Variants in ZNF573 observed in about 807,000 individuals in gnomAD.
The protein encoded by ZNF573 is zinc finger protein 573.
A neutral mutation model predicts 57.4 loss-of-function variants in ZNF573; 41 were observed. That is an observed-to-expected ratio of 0.71 (90% confidence interval 0.56 to 0.93). The LOEUF (loss-of-function observed/expected upper bound fraction) is 0.93. ZNF573 is among the 40% of genes least tolerant of loss of function. The probability of loss-of-function intolerance (pLI) is 0.00; values close to 1 mark genes in which losing one functional copy is unlikely to be tolerated. For missense variants in ZNF573, 730 were observed against 794.8 expected, an observed-to-expected ratio of 0.92 and a Z score of 0.98; for synonymous variants, 249 against 261.0, an observed-to-expected ratio of 0.95 and a Z score of 0.44.
chr19:37,747,010 CA>C (rs1019214921), intron 4 of ZNF573, among the ~76,000 whole-genome samples: 4 of 152,194 alleles, frequency 2.6e-5, no homozygotes, highest in African/African-American at 9.6e-5. Context: ...AAGAAGTCCT[CA>C]AAAAACAGAA....
chr19:37,771,384 T>C (rs897519778), intron 3 of ZNF573, among the ~76,000 whole-genome samples, 180 bp downstream of exon 3: 2 of 152,034 alleles, frequency 1.3e-5, no homozygotes, highest in African/African-American at 4.8e-5. Context: ...CTCTAAAGGA[T>C]GAAGAAAATG....
At chr19:37,770,306 T>C (rs1907954761) in intron 3 of ZNF573, 1 of 426,036 alleles carries the variant, frequency 2.3e-6, no homozygotes, top group Admixed American at 4.2e-5. Flanking sequence ...CCTGTGACCT[T>C]ATAAAATGTC....
At chr19:37,778,024 C>CAAAA (rs34141847) in intron 1 of ZNF573, among the ~76,000 whole-genome samples, 4 of 56,070 alleles carry the variant, frequency 7.1e-5, no homozygotes, top group Non-Finnish European at 7.4e-5. Flanking sequence ...GACTCTGTCT[C>CAAAA]AAAAAAAAAA....
In ZNF573 at chr19:37,738,749, GT is replaced by G; in HGVS notation, c.1740del (p.Lys580AsnfsTer84). On this transcript the variant is annotated frameshift_variant, in exon 5 of 5. Coordinates refer to ENST00000536220, the MANE Select transcript of ZNF573 (RefSeq NM_001172690.2). LOFTEE classifies it high-confidence loss of function. The stretch of plus-strand genomic sequence containing the variant: ...TTTCCACATTCTTTACATTCATAGG[GT>G]TTTTTATCAGCATGAATGCTCTGAT... The part of the protein sequence containing the change: ...TAHQSIHADK[K>X]PYECKECGKA... The G allele has an allele frequency of 1.2e-6, 2 of 1,613,908 alleles. No individual in the cohort carries two copies. Among genetic ancestry groups the G allele is most frequent in the Admixed American group, 3.3e-5 (2 of 59,964 alleles).
chr19:37,759,283 C>A, intron 4 of ZNF573: 1 of 336,664 alleles, frequency 3.0e-6, no homozygotes, highest in Non-Finnish European at 4.2e-6. Context: ...TATCAGAGAA[C>A]AATTTCTTTT....
chr19:37,744,999 G>A (rs1599684461), intron 4 of ZNF573, among the ~76,000 whole-genome samples: 1 of 151,732 alleles, frequency 6.6e-6, no homozygotes, highest in Non-Finnish European at 1.5e-5. Flanking sequence ...AGCCAGGATG[G>A]TCTTGATCTC....
At chr19:37,754,003 A>G (rs2045463468) in intron 4 of ZNF573, among the ~76,000 whole-genome samples, 1 of 152,202 alleles carries the variant, frequency 6.6e-6, no homozygotes, top group South Asian at 2.1e-4. Flanking sequence ...GGTCATTATC[A>G]ACAGCCGGGA....
chr19:37,738,682 A>C lies in ZNF573; in HGVS notation c.1808T>G (p.Ile603Ser). The C allele has an allele frequency of 6.2e-7, 1 of 1,611,606 alleles. No individual in the cohort carries two copies. The highest frequency in any genetic ancestry group is 8.5e-7 in the Non-Finnish European group (1 of 1,179,096). Residue 603 changes from isoleucine to serine, a missense_variant, in exon 5 of 5, where the codon ATT (isoleucine) becomes AGT (serine). Physicochemically the swap from Ile to Ser is moderately radical, Grantham distance 142. Coordinates refer to ENST00000536220, the MANE Select transcript of ZNF573 (RefSeq NM_001172690.2). ...MYGYLTQHQK[I>S]HTGGKPYECK... ...TTCATAAGGTTTTCCACCAGTATGA[A>C]TTTTCTGATGTTGGGTAAGGTAGCC...
In ZNF573 at chr19:37,738,723, C is replaced by G. The variant is rs1369077558; in HGVS notation, c.1767G>C (p.Lys589Asn). 6.2e-7 allele frequency: 1 copy of G among 1,613,114 alleles called. No homozygotes were observed. ...TAAGGTAGCCATACATTTTAAAGGC[C>G]TTTCCACATTCTTTACATTCATAGG... is the stretch of plus-strand genomic sequence containing the variant. ...KKPYECKECGKAFKMYGYLTQ... is the reference protein window; with the variant it reads ...KKPYECKECGNAFKMYGYLTQ... Residue 589 changes from lysine (K) to asparagine (N), a missense_variant, in exon 5 of 5, where the codon AAG becomes AAC. Transcript: ENST00000536220.
intron 4 of ZNF573, chr19:37,755,099 A>T (rs1021626601): frequency 6.6e-6 from 1 of 152,184 alleles, no homozygotes; most frequent in Non-Finnish European, 1.5e-5. Context: ...CCTCCTGAGT[A>T]GCTGGGACTA....
At chr19:37,766,939 G>T (rs909721051) in intron 4 of ZNF573, among the ~76,000 whole-genome samples, 5 of 152,160 alleles carry the variant, frequency 3.3e-5, no homozygotes, top group Non-Finnish European at 7.3e-5. Flanking sequence ...ATAACTGCAC[G>T]CTGGCCAAGT....
At position 37,770,049 on chromosome 19, in the gene ZNF573, C is replaced by A; in HGVS notation, c.251G>T (p.Gly84Val). 6.4e-7 allele frequency: 1 copy of A among 1,551,890 alleles called. No individual in the cohort carries two copies. Residue 84 changes from glycine (G) to valine (V), a missense_variant, in exon 4 of 5, where the codon GGA (glycine) becomes GTA (valine). Coordinates refer to ENST00000536220, the MANE Select transcript of ZNF573 (RefSeq NM_001172690.2). ...CCTCAAAATCATCCAGGGCTCTTTT[C>A]CTCGCTCCAGTAAATCAACCACAAC... ...KPVVVDLLER[G>V]KEPWMILREE...
chr19:37,757,907 C>G (rs1321468644), intron 4 of ZNF573, among the ~76,000 whole-genome samples: 4 of 151,764 alleles, frequency 2.6e-5, no homozygotes, highest in African/African-American at 9.7e-5. Context: ...ATGGATGAAG[C>G]TGGAAACCAT....
chr19:37,743,375 T>C (rs996467904), intron 4 of ZNF573, among the ~76,000 whole-genome samples: 19 of 140,486 alleles, frequency 1.4e-4, no homozygotes, highest in South Asian at 2.3e-4. Context: ...AACAAACATA[T>C]GAAGAAAAGC....
chr19:37,738,911 C>G lies in ZNF573; in HGVS notation c.1579G>C (p.Glu527Gln). ...AAGGTTTTTCTACATACCTTACATT[C>G]ATAGGGTTTCATACCAGTATGAATT... ...QKIHTGMKPYECKVCRKTFTF... is the reference protein window; with the variant it reads ...QKIHTGMKPYQCKVCRKTFTF... Residue 527 changes from glutamate (E) to glutamine (Q), a missense_variant, in exon 5 of 5, where the codon GAA becomes CAA. Coordinates refer to ENST00000536220, the MANE Select transcript of ZNF573 (RefSeq NM_001172690.2). 3.1e-6 allele frequency: 5 copies of G among 1,611,284 alleles called. No individual in the cohort carries two copies. The highest frequency in any genetic ancestry group is 4.2e-6 in the Non-Finnish European group (5 of 1,177,878).
At chr19:37,757,256 G>T (rs188260442) in intron 4 of ZNF573, among the ~76,000 whole-genome samples, 289 of 152,098 alleles carry the variant, frequency 1.9e-3, no homozygotes, top group Middle Eastern at 0.014. Context: ...GAGTACAGTC[G>T]CATGATCTTG....
chr19:37,741,160 C>G (rs973859016), intron 4 of ZNF573, among the ~76,000 whole-genome samples: 2 of 152,158 alleles, frequency 1.3e-5, no homozygotes, highest in Non-Finnish European at 2.9e-5. Context: ...CCTTCTCATC[C>G]TTTATGTTTC....
At chr19:37,763,846 C>T (rs1046507265) in intron 4 of ZNF573, among the ~76,000 whole-genome samples, 2 of 151,896 alleles carry the variant, frequency 1.3e-5, no homozygotes, top group African/African-American at 4.8e-5. Flanking sequence ...GGCAGGTCAC[C>T]TGAGTTTGGG....
intron 2 of ZNF573, among the ~76,000 whole-genome samples, chr19:37,772,472 T>C (rs1486782859): frequency 7.9e-5 from 12 of 152,064 alleles, no homozygotes; most frequent in Admixed American, 7.9e-4. Flanking sequence ...GCAGAACATT[T>C]AGACATTTCC....
Sources: gnomAD v4.1 joint callset for allele counts (sites outside exome capture counted in the v4.1 genomes callset) on GRCh38, gnomAD v4.1.1 for gene constraint, MANE v1.5 for transcripts, NCBI Gene and HGNC (gene_info 2026-07-23, HGNC 2026-07-21) for gene names.